DENND1B: variants seen among roughly 807,000 people sequenced by gnomAD.
The protein encoded by DENND1B is DENN domain containing 1B.
In DENND1B, 59 loss-of-function variants were observed where a neutral mutation model predicts 90.1. The observed-to-expected ratio is 0.65, with a 90% CI of 0.53 to 0.81. The LOEUF is 0.81. Among genes scored for constraint, DENND1B ranks in the 40% least tolerant of loss-of-function variants. DENND1B has a pLI of 0.00. For synonymous variants in DENND1B, 337 were observed against 324.6 expected, an observed-to-expected ratio of 1.04 and a Z score of -0.41; for missense variants, 862 against 912.6, an observed-to-expected ratio of 0.94 and a Z score of 0.71.
intron 20 of DENND1B, among the ~76,000 whole-genome samples, chr1:197,530,567 C>T (rs1669543073): frequency 6.6e-6 from 1 of 152,042 alleles, no homozygotes. Context: ...ATGATCATCC[C>T]TACTTAGAAT....
intron 20 of DENND1B, among the ~76,000 whole-genome samples, chr1:197,515,774 C>T (rs1668352747): frequency 6.6e-6 from 1 of 151,712 alleles, no homozygotes; most frequent in African/African-American, 2.4e-5. Flanking sequence ...GTCTAATGGA[C>T]CCTACAATAA....
rs1667822795 is a variant in DENND1B, at chr1:197,508,331, A to G, written c.*2129T>C. The G allele has an allele frequency of 6.6e-6, 1 of 151,766 alleles. No homozygotes were observed. Among genetic ancestry groups the G allele is most frequent in the Admixed American group, 6.6e-5 (1 of 15,176 alleles). 9.4% of individuals were successfully genotyped at this position (151,766 alleles called of 1,614,324 possible). A position where few individuals can be genotyped will look rare whatever the true frequency, so the allele number is the denominator to read the frequency against. On this transcript the variant is annotated 3_prime_UTR_variant, in exon 23 of 23. Coordinates refer to ENST00000620048, the MANE Select transcript of DENND1B (RefSeq NM_001195215.2). The stretch of plus-strand genomic sequence containing the variant: ...TCTGATTTAAAACAGCTCTTTTGCT[A>G]TATGGACTTCTTCCATTATAAACTT...
chr1:197,674,681 A>G (rs188339586), intron 3 of DENND1B, among the ~76,000 whole-genome samples: 2,787 of 151,634 alleles, frequency 0.018, 84 homozygotes, highest in African/African-American at 0.063. Context: ...AAAAAAAAAA[A>G]AGAGAGAGAG....
Position 197,514,722 on chromosome 1 carries a change from G to GT in DENND1B, c.1516-1770dup, listed in dbSNP as rs1006845960. Among the ~76,000 whole-genome samples, 256 of 149,028 alleles carry GT rather than the reference G, an allele frequency of 1.7e-3. 1 individual carries two copies. Among genetic ancestry groups the GT allele is most frequent in the Middle Eastern group, 6.8e-3 (2 of 292 alleles). ...TGTTTGAAATTTTCAAAATAAAGTT[G>GT]TTTTTTTTTAATGGCCCCATCTGTT... On this transcript the variant is annotated intron_variant, in intron 20 of 22. Coordinates refer to ENST00000620048, the MANE Select transcript of DENND1B (RefSeq NM_001195215.2).
chr1:197,775,517 G>A (rs991018754), upstream of DENND1B: 1 of 177,996 alleles, frequency 5.6e-6, no homozygotes, highest in South Asian at 2.0e-4. Context: ...AGGGGCGCGC[G>A]GGGACGCGCC....
intron 2 of DENND1B, among the ~76,000 whole-genome samples, chr1:197,743,917 A>C (rs1663451867): frequency 6.6e-6 from 1 of 152,218 alleles, no homozygotes; most frequent in Non-Finnish European, 1.5e-5. Flanking sequence ...AACAATGTTC[A>C]GAGCATCTTC....
At chr1:197,530,103 A>T (rs1168076875) in intron 20 of DENND1B, among the ~76,000 whole-genome samples, 1 of 152,224 alleles carries the variant, frequency 6.6e-6, no homozygotes, top group East Asian at 1.9e-4. Context: ...TAATTAGCAG[A>T]CCAGCACACA....
intron 9 of DENND1B, among the ~76,000 whole-genome samples, chr1:197,645,359 A>G (rs890649665): frequency 1.3e-5 from 2 of 152,074 alleles, no homozygotes; most frequent in Non-Finnish European, 2.9e-5. Context: ...CTCCTGAGGT[A>G]TCTCTTCTAT....
chr1:197,517,873 A>G (rs1668508850), intron 20 of DENND1B, among the ~76,000 whole-genome samples: 1 of 151,808 alleles, frequency 6.6e-6, no homozygotes, highest in South Asian at 2.1e-4. Flanking sequence ...GTGGGCTGAC[A>G]TGCTACCAAA....
At chr1:197,575,299 G>T (rs910215783) in intron 15 of DENND1B, among the ~76,000 whole-genome samples, 2 of 151,926 alleles carry the variant, frequency 1.3e-5, no homozygotes, top group East Asian at 1.9e-4. Flanking sequence ...CTTCTCAAAA[G>T]ACATTTATGC....
intron 14 of DENND1B, among the ~76,000 whole-genome samples, chr1:197,584,601 C>A (rs1674530735): frequency 6.6e-6 from 1 of 152,298 alleles, no homozygotes; most frequent in Non-Finnish European, 1.5e-5. Flanking sequence ...GTGTCACCTA[C>A]CATCAGCTAC....
chr1:197,738,566 A>G (rs1433381038), intron 2 of DENND1B, among the ~76,000 whole-genome samples: 1 of 152,232 alleles, frequency 6.6e-6, no homozygotes, highest in Non-Finnish European at 1.5e-5. Context: ...TTTGGCAGAA[A>G]GATGACAGAA....
At chr1:197,673,798 C>T (rs1206518315) in intron 4 of DENND1B, among the ~76,000 whole-genome samples, 1 of 151,988 alleles carries the variant, frequency 6.6e-6, no homozygotes, top group Non-Finnish European at 1.5e-5. Flanking sequence ...TCTAAGACTC[C>T]AATCAAGGTC....
At chr1:197,625,311 A>T (rs1459089559) in intron 10 of DENND1B, among the ~76,000 whole-genome samples, 2 of 152,144 alleles carry the variant, frequency 1.3e-5, no homozygotes, top group Non-Finnish European at 2.9e-5. Flanking sequence ...CTAACAGCAG[A>T]TCTCTCAGCA....
At chr1:197,560,591 G>A (rs1672080638) in intron 15 of DENND1B, among the ~76,000 whole-genome samples, 1 of 151,778 alleles carries the variant, frequency 6.6e-6, no homozygotes, top group Non-Finnish European at 1.5e-5. Context: ...CCAGGCAAAG[G>A]GAATAGCCAG....
At chr1:197,600,348 A>G (rs1676091385) in intron 13 of DENND1B, among the ~76,000 whole-genome samples, 1 of 151,824 alleles carries the variant, frequency 6.6e-6, no homozygotes, top group African/African-American at 2.4e-5. Context: ...CTAGTTTCCA[A>G]CATCCCTTGG....
chr1:197,669,805 CATT>C (rs750748118), intron 5 of DENND1B, among the ~76,000 whole-genome samples: 2 of 151,882 alleles, frequency 1.3e-5, no homozygotes, highest in Admixed American at 1.3e-4. Context: ...TAAAAGGAAA[CATT>C]ATTTTAAATA....
intron 2 of DENND1B, among the ~76,000 whole-genome samples, chr1:197,751,141 A>G (rs1653453109): frequency 1.3e-5 from 2 of 152,352 alleles, no homozygotes; most frequent in African/African-American, 2.4e-5. Context: ...TATATTCTAT[A>G]TAAGTGCACA....
intron 18 of DENND1B, among the ~76,000 whole-genome samples, chr1:197,544,963 GAGA>G (rs374169412): frequency 0.037 from 34 of 914 alleles, no homozygotes; most frequent in South Asian, 0.12. Context: ...AAGGGAGAAG[GAGA>G]AGGAGGAAGG....
Sources: gnomAD v4.1 joint callset for allele counts (sites outside exome capture counted in the v4.1 genomes callset) on GRCh38, gnomAD v4.1.1 for gene constraint, MANE v1.5 for transcripts, NCBI Gene and HGNC (gene_info 2026-07-23, HGNC 2026-07-21) for gene names.